Variants in DOCK10 observed in about 807,000 individuals in gnomAD.
The protein encoded by DOCK10 is dedicator of cytokinesis protein 10.
Under a neutral mutation model 280.1 loss-of-function variants are expected in DOCK10, and 145 were observed. That is an observed-to-expected ratio of 0.52 (90% confidence interval 0.45 to 0.59). The LOEUF is 0.59. DOCK10 is among the 20% of genes least tolerant of loss of function. The probability of loss-of-function intolerance (pLI) is 0.00; values close to 1 mark genes in which losing one functional copy is unlikely to be tolerated. For synonymous variants in DOCK10, 915 were observed against 942.2 expected (o/e 0.97, Z 0.53); for missense variants, 2,368 against 2,651.7 (o/e 0.89, Z 2.35).
At chr2:224,844,652 G>T in intron 22 of DOCK10, 101 bp downstream of exon 22, 1 of 783,732 alleles carries the variant, frequency 1.3e-6, no homozygotes, top group South Asian at 1.7e-5. Flanking sequence ...CTGCCTTTCT[G>T]ACACTTCATG....
chr2:225,035,961 A>T (rs2106140011), intron 1 of DOCK10, among the ~76,000 whole-genome samples: 1 of 151,884 alleles, frequency 6.6e-6, no homozygotes, highest in East Asian at 1.9e-4. Flanking sequence ...TACCTCCCAA[A>T]GGCCTCACCT....
intron 27 of DOCK10, among the ~76,000 whole-genome samples, chr2:224,827,827 ATGAT>A (rs1334161140): frequency 1.3e-5 from 2 of 152,216 alleles, no homozygotes; most frequent in African/African-American, 4.8e-5. Context: ...AACTCCACAG[ATGAT>A]TAAAGGTCCA....
At chr2:224,868,026 G>A (rs1402241084) in intron 11 of DOCK10, among the ~76,000 whole-genome samples, 1 of 152,184 alleles carries the variant, frequency 6.6e-6, no homozygotes, top group Non-Finnish European at 1.5e-5. Flanking sequence ...CTGGGCTGAA[G>A]AGCTGGGCCT....
chr2:224,770,581 G>A lies in DOCK10; in HGVS notation c.6269C>T (p.Pro2090Leu). Residue 2090 changes from proline (P) to leucine (L), a missense_variant, in exon 54 of 56, where the codon CCT (proline) becomes CTT (leucine). Physicochemically the swap from Pro to Leu is moderately conservative, Grantham distance 98. Coordinates refer to ENST00000258390, the MANE Select transcript of DOCK10 (RefSeq NM_014689.3). This position sits in a 1 kb window ranked among gnomAD's most constrained non-coding sequence, Gnocchi z 4.5. The part of the protein sequence containing the change: ...FLEETNAKKY[P>L]DNQVKLLKEI... ...CTTCAAAAGCTTTACTTGGTTGTCA[G>A]GGTACTTCTTTGCATTGGTTTCTTC... The A allele has an allele frequency of 6.2e-7, 1 of 1,613,992 alleles. No individual in the cohort carries two copies.
At chr2:224,942,337 T>A (rs996012841) in intron 1 of DOCK10, among the ~76,000 whole-genome samples, 5 of 152,212 alleles carry the variant, frequency 3.3e-5, no homozygotes, top group African/African-American at 9.7e-5. Flanking sequence ...ACATCTCCAT[T>A]TCTTGGATTG....
chr2:224,851,118 A>G (rs1360075783), intron 18 of DOCK10, among the ~76,000 whole-genome samples: 1 of 152,158 alleles, frequency 6.6e-6, no homozygotes, highest in Non-Finnish European at 1.5e-5. Flanking sequence ...GCCCCAAATC[A>G]GGCCAGGGCT....
intron 50 of DOCK10, among the ~76,000 whole-genome samples, chr2:224,785,715 C>T (rs1040057696): frequency 6.6e-6 from 1 of 152,122 alleles, no homozygotes; most frequent in African/African-American, 2.4e-5. Context: ...CTCCTGACCT[C>T]GTGATCCGCC....
At position 225,000,623 on chromosome 2, in the gene DOCK10, A is replaced by G. The variant is rs544386579; in HGVS notation, c.123+41629T>C. ...AGGGATTGACAGTAGTGACTCTACG[A>G]GCCAGCCATGCTTCTGTGTCTTTCC... On this transcript the variant is annotated intron_variant, in intron 1 of 55. Coordinates refer to ENST00000258390, the MANE Select transcript of DOCK10 (RefSeq NM_014689.3). 5.9e-5 allele frequency among the ~76,000 whole-genome samples: 9 copies of G among 152,290 alleles called. No individual in the cohort carries two copies. The East Asian group carries it at 1.7e-3, about 29-fold the overall frequency.
At chr2:224,956,801 A>G (rs1169033283) in intron 1 of DOCK10, among the ~76,000 whole-genome samples, 2 of 152,168 alleles carry the variant, frequency 1.3e-5, no homozygotes, top group Non-Finnish European at 2.9e-5. Flanking sequence ...AACTATTTTT[A>G]TACTGCACGG....
intron 1 of DOCK10, chr2:224,947,123 C>T (rs1703464919): frequency 8.1e-7 from 1 of 1,230,004 alleles, no homozygotes; most frequent in East Asian, 3.0e-5. Flanking sequence ...CAAGTTACCA[C>T]TTCCTGTGAG....
chr2:224,948,131 T>G (rs1217292123), intron 1 of DOCK10, among the ~76,000 whole-genome samples: 1 of 152,178 alleles, frequency 6.6e-6, no homozygotes, highest in Non-Finnish European at 1.5e-5. Context: ...TTTTCCCCAG[T>G]AATAATTAGA....
At chr2:224,920,051 T>C (rs947292942) in intron 2 of DOCK10, among the ~76,000 whole-genome samples, 2 of 151,970 alleles carry the variant, frequency 1.3e-5, no homozygotes, top group African/African-American at 2.4e-5. Context: ...CCAATTTGGA[T>C]CTTATTATTT....
At chr2:225,007,188 T>C (rs560717505) in intron 1 of DOCK10, among the ~76,000 whole-genome samples, 14 of 152,160 alleles carry the variant, frequency 9.2e-5, no homozygotes, top group Non-Finnish European at 2.1e-4. Flanking sequence ...GTCATGATAA[T>C]CTTATTTCCT....
rs746708885 is a variant in DOCK10 at position 224,849,599 on chromosome 2, A to G, written c.2143T>C (p.Cys715Arg). The G allele has an allele frequency of 1.9e-5, 31 of 1,594,574 alleles. No individual in the cohort carries two copies. Among genetic ancestry groups the G allele is most frequent in the Admixed American group, 1.2e-4 (7 of 57,904 alleles). The change falls in exon 19 of 56, where the codon TGT becomes CGT. Residue 715 changes from cysteine (C) to arginine (R), a missense_variant and splice_region_variant. Around this residue, in one of 2 missense-constraint regions of DOCK10, gnomAD observed 1,209 missense variants for 1,250.9 expected, o/e 0.97. Transcript: ENST00000258390. The stretch of plus-strand genomic sequence containing the variant: ...GGCCCTCCAGGTTTTCCATAAATAC[A>G]CTGTTTGAAAAGTTATGAGTTGAAC... ...SDEESAKPLK[C>R]IYGKPGGPLF...
chr2:224,846,231 A>G (rs1482771883), intron 19 of DOCK10, among the ~76,000 whole-genome samples: 3 of 152,240 alleles, frequency 2.0e-5, no homozygotes. Flanking sequence ...AAATACATGC[A>G]CATACATATG....
intron 11 of DOCK10, among the ~76,000 whole-genome samples, chr2:224,868,290 G>A (rs1004263023): frequency 6.6e-6 from 1 of 152,106 alleles, no homozygotes; most frequent in African/African-American, 2.4e-5. Context: ...ACATACAACA[G>A]AGACAAAGAC....
Position 224,885,811 on chromosome 2 carries a change from TA to T in DOCK10, c.613-7del, listed in dbSNP as rs757596537. 3.8e-5 allele frequency: 61 copies of T among 1,611,364 alleles called. No individual in the cohort carries two copies. In the Admixed American group the frequency reaches 9.9e-4, roughly 26 times the overall value. On this transcript the variant is annotated splice_region_variant and splice_polypyrimidine_tract_variant and intron_variant, in intron 6 of 55. Coordinates refer to ENST00000258390, the MANE Select transcript of DOCK10 (RefSeq NM_014689.3). The stretch of plus-strand genomic sequence containing the variant: ...AAGTAGCGCTTTTTGAATGACTAAA[TA>T]AAGGAAAAGATATAAGGAGATATTC...
intron 3 of DOCK10, among the ~76,000 whole-genome samples, chr2:224,896,866 C>T (rs1360307426): frequency 6.6e-6 from 1 of 152,210 alleles, no homozygotes; most frequent in African/African-American, 2.4e-5. Flanking sequence ...TTTTCAATTT[C>T]CCATGGAAAT....
intron 1 of DOCK10, among the ~76,000 whole-genome samples, chr2:225,013,711 G>C (rs544866821): frequency 4.1e-4 from 63 of 152,244 alleles, no homozygotes; most frequent in African/African-American, 1.3e-3. Flanking sequence ...TTGAGTGAAG[G>C]CATCCTACAT....
Sources: allele counts gnomAD v4.1 joint callset (sites outside exome capture counted in the v4.1 genomes callset), GRCh38; gene constraint gnomAD v4.1.1; regional missense constraint gnomAD v4.1.1; non-coding constraint Gnocchi (gnomAD v3.1); transcripts MANE v1.5; gene names NCBI Gene and HGNC (gene_info 2026-07-23, HGNC 2026-07-21).